FRMD4A: variants seen among roughly 807,000 people sequenced by gnomAD.
The protein encoded by FRMD4A is FERM domain-containing protein 4A.
In FRMD4A, 29 loss-of-function variants were observed where a neutral mutation model predicts 129.1. The observed-to-expected ratio is 0.22, with a 90% CI of 0.17 to 0.31. The LOEUF is 0.31. Ranked by LOEUF, FRMD4A falls within the 10% of genes least tolerant of loss-of-function variation. FRMD4A has a pLI of 1.00. For missense variants in FRMD4A, 1,272 were observed against 1,375.8 expected (o/e 0.92, Z 1.19); for synonymous variants, 634 against 571.6 (o/e 1.11, Z -1.56).
intron 2 of FRMD4A, among the ~76,000 whole-genome samples, chr10:14,055,958 G>A (rs1049357014): frequency 1.1e-4 from 16 of 151,466 alleles, no homozygotes; most frequent in African/African-American, 1.7e-4. Context: ...TTTTTGAGAC[G>A]GAGTCTCGCT....
At chr10:13,891,051 A>G (rs1286294696) in intron 2 of FRMD4A, among the ~76,000 whole-genome samples, 1 of 152,100 alleles carries the variant, frequency 6.6e-6, no homozygotes, top group Admixed American at 6.6e-5. Context: ...GCTGCCTCCA[A>G]TATAGAAGCA....
chr10:14,125,925 T>A (rs1207769559), intron 2 of FRMD4A, among the ~76,000 whole-genome samples: 1 of 146,594 alleles, frequency 6.8e-6, no homozygotes, highest in Non-Finnish European at 1.5e-5. Context: ...CACAGTATGA[T>A]AGAAGCAAAC....
chr10:14,294,900 G>A (rs910653556), intron 2 of FRMD4A, among the ~76,000 whole-genome samples: 13 of 152,134 alleles, frequency 8.5e-5, no homozygotes, highest in African/African-American at 2.7e-4. Context: ...CATTCAGCAC[G>A]TCTCCTTTAC....
intron 12 of FRMD4A, among the ~76,000 whole-genome samples, chr10:13,728,702 C>T (rs1018422155): frequency 1.1e-4 from 16 of 150,370 alleles, no homozygotes; most frequent in African/African-American, 3.2e-4. Context: ...TCTTGAGTGG[C>T]TGGGATTACA....
chr10:13,911,402 C>T (rs2094939159), intron 2 of FRMD4A, among the ~76,000 whole-genome samples: 1 of 152,158 alleles, frequency 6.6e-6, no homozygotes, highest in Admixed American at 6.5e-5. Flanking sequence ...TCCATTATCT[C>T]ACTTCACTAA....
At chr10:13,986,900 G>A (rs986487178) in intron 2 of FRMD4A, among the ~76,000 whole-genome samples, 5 of 151,890 alleles carry the variant, frequency 3.3e-5, no homozygotes, top group African/African-American at 1.2e-4. Context: ...GGAACCTAAG[G>A]GTTTCGGTCA....
intron 2 of FRMD4A, among the ~76,000 whole-genome samples, chr10:14,255,871 T>C (rs1017628875): frequency 2.6e-5 from 4 of 151,962 alleles, no homozygotes; most frequent in Non-Finnish European, 4.4e-5. Context: ...CCGGGTGTGG[T>C]GGCCTGCACC....
chr10:13,890,706 GGAGCCA>G (rs1487998873), intron 2 of FRMD4A: 1 of 985,380 alleles, frequency 1.0e-6, no homozygotes, highest in Non-Finnish European at 1.2e-6. Context: ...CATTCATAGG[GGAGCCA>G]GAGCCGCATC....
chr10:14,218,239 T>C (rs61836082), intron 2 of FRMD4A, among the ~76,000 whole-genome samples: 22,520 of 152,202 alleles, frequency 0.15, 1,872 homozygotes, highest in Middle Eastern at 0.26. Context: ...TCCTGAAGAT[T>C]ATACACAATG....
At chr10:13,761,566 A>C in intron 8 of FRMD4A, 81 bp downstream of exon 8, 1 of 925,902 alleles carries the variant, frequency 1.1e-6, no homozygotes, top group East Asian at 2.4e-5. Context: ...CCACCTAAAA[A>C]GGACATCCTG....
chr10:14,156,231 C>G (rs1386541444), intron 2 of FRMD4A, among the ~76,000 whole-genome samples: 3 of 152,162 alleles, frequency 2.0e-5, no homozygotes, highest in Non-Finnish European at 2.9e-5. Flanking sequence ...CAACAATACA[C>G]ACCCATGATG....
intron 2 of FRMD4A, among the ~76,000 whole-genome samples, chr10:14,002,396 G>T (rs915994110): frequency 6.6e-6 from 1 of 152,138 alleles, no homozygotes; most frequent in African/African-American, 2.4e-5. Flanking sequence ...CGCTTTCTCC[G>T]CTTGTACTGA....
chr10:13,844,306 C>T (rs1430915273), intron 3 of FRMD4A, among the ~76,000 whole-genome samples: 4 of 152,178 alleles, frequency 2.6e-5, no homozygotes, highest in South Asian at 4.2e-4. Context: ...GAGTGAAAAT[C>T]GGTGATTTAC....
At position 13,964,342 on chromosome 10, in the gene FRMD4A, A is replaced by G. The variant is rs531318664; in HGVS notation, c.46-105430T>C. ...TTTAAAACAGGTTTACATATGCCAT[A>G]CATATGTGTTTTACAACTTTGGGGC... is the stretch of plus-strand genomic sequence containing the variant. On this transcript the variant is annotated intron_variant, in intron 2 of 24. Transcript: ENST00000357447. 2.0e-5 allele frequency among the ~76,000 whole-genome samples: 3 copies of G among 152,306 alleles called. No individual in the cohort carries two copies. In the South Asian group the frequency reaches 6.2e-4, roughly 32 times the overall value.
intron 2 of FRMD4A, among the ~76,000 whole-genome samples, chr10:14,198,408 G>A (rs1234826033): frequency 1.3e-5 from 2 of 152,216 alleles, no homozygotes; most frequent in African/African-American, 2.4e-5. Flanking sequence ...ATAGAAACAA[G>A]GTTTACTGAA....
At chr10:14,194,349 G>A (rs1842408524) in intron 2 of FRMD4A, among the ~76,000 whole-genome samples, 1 of 152,156 alleles carries the variant, frequency 6.6e-6, no homozygotes, top group African/African-American at 2.4e-5. Context: ...AGTGGTTCAG[G>A]CCTGTAATCC....
At chr10:14,304,352 T>G (rs979940838) in intron 2 of FRMD4A, among the ~76,000 whole-genome samples, 1 of 152,176 alleles carries the variant, frequency 6.6e-6, no homozygotes, top group Admixed American at 6.5e-5. Flanking sequence ...TGAAGTGACA[T>G]CTCATTTTGG....
At chr10:14,181,911 G>A (rs895979555) in intron 2 of FRMD4A, among the ~76,000 whole-genome samples, 2 of 152,158 alleles carry the variant, frequency 1.3e-5, no homozygotes, top group Admixed American at 6.5e-5. Context: ...GGCTGGTCTT[G>A]AATTCCTGAA....
At chr10:14,104,541 T>A (rs543955342) in intron 2 of FRMD4A, among the ~76,000 whole-genome samples, 1 of 152,376 alleles carries the variant, frequency 6.6e-6, no homozygotes, top group East Asian at 1.9e-4. Flanking sequence ...TATGCCTTCC[T>A]GTCCCTGAGG....
Sources: gnomAD v4.1 joint callset for allele counts (sites outside exome capture counted in the v4.1 genomes callset) on GRCh38, gnomAD v4.1.1 for gene constraint, MANE v1.5 for transcripts, NCBI Gene and HGNC (gene_info 2026-07-23, HGNC 2026-07-21) for gene names.